DAPK1: variants seen among roughly 807,000 people sequenced by gnomAD.
DAPK1 encodes death associated protein kinase 1.
Under a neutral mutation model 144.9 loss-of-function variants are expected in DAPK1, and 56 were observed. That is an observed-to-expected ratio of 0.39 (90% CI 0.31 to 0.48). The LOEUF (loss-of-function observed/expected upper bound fraction) is 0.48. DAPK1 is among the 20% of genes least tolerant of loss of function. DAPK1 has a pLI of 0.95. For missense variants in DAPK1, 1,454 were observed against 1,875.4 expected (o/e 0.78, Z 4.15); for synonymous variants, 690 against 749.0 (o/e 0.92, Z 1.29).
rs762048854 is a variant in DAPK1, at chr9:87,649,977, A to C, written c.1485A>C (p.Lys495Asn). The change falls in exon 16 of 26, where the codon AAA becomes AAC. Residue 495 changes from lysine (K) to asparagine (N), a missense_variant. By Grantham distance (94) the Lys-to-Asn change is moderately conservative. Coordinates refer to ENST00000408954, the MANE Select transcript of DAPK1 (RefSeq NM_004938.4). ...GGCACGGCTATTACTCTGTGGCCAAAGCCCTTTGTGAAGCCGGCTGTAACG... is the reference window on the plus strand; with the variant it reads ...GGCACGGCTATTACTCTGTGGCCAACGCCCTTTGTGAAGCCGGCTGTAACG... ...AAWHGYYSVA[K>N]ALCEAGCNVN... The C allele has an allele frequency of 3.1e-6, 5 of 1,614,088 alleles. No individual in the cohort carries two copies. The East Asian group carries it at 1.1e-4, about 36-fold the overall frequency.
intron 25 of DAPK1, 28 bp downstream of exon 25, chr9:87,703,245 G>T: frequency 7.1e-6 from 10 of 1,402,520 alleles, no homozygotes; most frequent in Non-Finnish European, 1.0e-5. Flanking sequence ...CAGGCAGGGG[G>T]CCGTGAGAGG....
At chr9:87,688,847 T>G (rs1587846813) in intron 21 of DAPK1, among the ~76,000 whole-genome samples, 1 of 152,308 alleles carries the variant, frequency 6.6e-6, no homozygotes, top group African/African-American at 2.4e-5. Flanking sequence ...TATGCCTTTT[T>G]GGATGCATAG....
intron 19 of DAPK1, among the ~76,000 whole-genome samples, chr9:87,678,951 G>A (rs780777546): frequency 1.3e-5 from 2 of 152,156 alleles, no homozygotes; most frequent in Non-Finnish European, 2.9e-5. Context: ...GGAGAGTTAT[G>A]TATGAGATTG....
At chr9:87,597,204 A>C (rs1828347787) in intron 2 of DAPK1, among the ~76,000 whole-genome samples, 1 of 152,176 alleles carries the variant, frequency 6.6e-6, no homozygotes. Context: ...CAAGGGTTAG[A>C]GACTGGAGGG....
At chr9:87,612,399 G>A (rs1005599250) in intron 3 of DAPK1, among the ~76,000 whole-genome samples, 1 of 152,192 alleles carries the variant, frequency 6.6e-6, no homozygotes, top group Non-Finnish European at 1.5e-5. Context: ...ATGGAGTGAA[G>A]CATCTATACG....
chr9:87,592,693 C>T (rs1404192729), intron 2 of DAPK1, among the ~76,000 whole-genome samples: 3 of 152,106 alleles, frequency 2.0e-5, no homozygotes, highest in Non-Finnish European at 2.9e-5. Context: ...GATCGGGCCG[C>T]GGGGGTGAGG....
At chr9:87,581,175 T>C (rs1191263649) in intron 2 of DAPK1, among the ~76,000 whole-genome samples, 1 of 152,188 alleles carries the variant, frequency 6.6e-6, no homozygotes, top group Non-Finnish European at 1.5e-5. Context: ...CAAAAGTCCA[T>C]AGCTTCGGAA....
At chr9:87,558,727 T>A (rs552721171) in intron 2 of DAPK1, among the ~76,000 whole-genome samples, 2 of 152,336 alleles carry the variant, frequency 1.3e-5, no homozygotes, top group South Asian at 4.1e-4. Context: ...CTTCATTGGA[T>A]TCCTTGGACA....
chr9:87,599,065 TAG>T (rs1256786333), intron 2 of DAPK1, among the ~76,000 whole-genome samples: 1 of 152,188 alleles, frequency 6.6e-6, no homozygotes, highest in East Asian at 1.9e-4. Context: ...AACACTTTCC[TAG>T]AGTGATGCTG....
chr9:87,659,614 C>T (rs910062553), intron 18 of DAPK1, among the ~76,000 whole-genome samples: 10 of 152,276 alleles, frequency 6.6e-5, no homozygotes, highest in Non-Finnish European at 1.3e-4. Flanking sequence ...CCGTGAGCCG[C>T]GGGCCCCTCT....
chr9:87,547,818 CT>C (rs1826316098), intron 2 of DAPK1, among the ~76,000 whole-genome samples: 1 of 152,100 alleles, frequency 6.6e-6, no homozygotes, highest in Admixed American at 6.5e-5. Context: ...CCACCCACCC[CT>C]ATTAGGGAGA....
intron 2 of DAPK1, among the ~76,000 whole-genome samples, chr9:87,556,127 T>C (rs1826704881): frequency 6.6e-6 from 1 of 152,214 alleles, no homozygotes; most frequent in Admixed American, 6.5e-5. Flanking sequence ...TCATCAGTGA[T>C]GCAGGACCCA....
At chr9:87,699,807 C>T (rs559561150) in intron 23 of DAPK1, among the ~76,000 whole-genome samples, 9 of 152,298 alleles carry the variant, frequency 5.9e-5, no homozygotes, top group East Asian at 1.9e-4. Context: ...TTGTAAGGTG[C>T]GAGCATTAGG....
rs1828658525 is a variant in DAPK1 at position 87,604,953 on chromosome 9, G to A, written c.63-1G>A. 1 of 1,613,180 alleles carries A rather than the reference G, an allele frequency of 6.2e-7. No homozygotes were observed. The highest frequency in any genetic ancestry group is 8.5e-7 in the Non-Finnish European group (1 of 1,179,386). ...AAGAATCCTCCATCTTCTCTTTTCAGTGGACAGTTTGCGGTTGTGAAGAAA... is the reference window on the plus strand; with the variant it reads ...AAGAATCCTCCATCTTCTCTTTTCAATGGACAGTTTGCGGTTGTGAAGAAA... On this transcript the variant is annotated splice_acceptor_variant, in intron 2 of 25. Transcript: ENST00000408954. LOFTEE classifies it high-confidence loss of function.
intron 9 of DAPK1, 76 bp downstream of exon 9, chr9:87,640,923 T>TAG: frequency 7.3e-7 from 1 of 1,376,248 alleles, no homozygotes; most frequent in Non-Finnish European, 1.0e-6. Flanking sequence ...TCATGTATCA[T>TAG]AGAGTACTGC....
rs528393046 is a variant in DAPK1, at chr9:87,656,561, C to G, written c.1825-1468C>G. Among the ~76,000 whole-genome samples, 4 of 152,354 alleles carry G rather than the reference C, an allele frequency of 2.6e-5. No individual in the cohort carries two copies. The East Asian group carries it at 5.8e-4, about 22-fold the overall frequency. ...TGCTTGAAAGCTTAATATCTGTTTT[C>G]TGCATTACTGCAGAAGATAATAATA... On this transcript the variant is annotated intron_variant, in intron 17 of 25. Coordinates refer to ENST00000408954, the MANE Select transcript of DAPK1 (RefSeq NM_004938.4).
chr9:87,588,319 TATAG>T (rs1450861138), intron 2 of DAPK1, among the ~76,000 whole-genome samples: 2 of 152,254 alleles, frequency 1.3e-5, no homozygotes, highest in East Asian at 3.8e-4. Context: ...GATCCTTGAA[TATAG>T]ACACAGCGGT....
chr9:87,676,346 G>C (rs1824378601), intron 19 of DAPK1, among the ~76,000 whole-genome samples: 1 of 152,252 alleles, frequency 6.6e-6, no homozygotes, highest in Admixed American at 6.5e-5. Context: ...GTTGGAGATA[G>C]ATCATTACGT....
At chr9:87,642,107 G>A in intron 10 of DAPK1, 49 bp downstream of exon 10, 4 of 1,514,024 alleles carry the variant, frequency 2.6e-6, no homozygotes, top group Non-Finnish European at 3.7e-6. Flanking sequence ...TTCCTGTGTA[G>A]AGTAGTGTGT....
Sources: gnomAD v4.1 joint callset for allele counts (sites outside exome capture counted in the v4.1 genomes callset) on GRCh38, gnomAD v4.1.1 for gene constraint, MANE v1.5 for transcripts, NCBI Gene and HGNC (gene_info 2026-07-23, HGNC 2026-07-21) for gene names.